Variants in GRID2 observed in about 807,000 individuals in gnomAD.
The protein encoded by GRID2 is glutamate ionotropic receptor delta type subunit 2, also known as glutamate receptor ionotropic, delta-2.
GRID2 carries 33 observed loss-of-function variants against 114.8 expected under a neutral mutation model. The ratio of observed to expected loss-of-function variants is 0.29; its 90% CI spans 0.22 to 0.38. The LOEUF is 0.38. Ranked by LOEUF, GRID2 falls within the 10% of genes least tolerant of loss-of-function variation. The pLI, the probability that GRID2 is intolerant of heterozygous loss-of-function variation, is 1.00. For missense variants in GRID2, 1,184 were observed against 1,257.7 expected (o/e 0.94, Z 0.89); for synonymous variants, 505 against 449.9 (o/e 1.12, Z -1.55).
At chr4:93,347,922 T>C (rs1240987713) in intron 8 of GRID2, among the ~76,000 whole-genome samples, 3 of 152,112 alleles carry the variant, frequency 2.0e-5, no homozygotes, top group Non-Finnish European at 4.4e-5. Context: ...TTGGAGAAAT[T>C]TTCTAATATC....
chr4:93,212,119 TA>T (rs991899775), intron 5 of GRID2, among the ~76,000 whole-genome samples: 2 of 151,846 alleles, frequency 1.3e-5, no homozygotes, highest in Admixed American at 6.6e-5. Flanking sequence ...AATGTAATAA[TA>T]AAAAAAACCC....
chr4:92,316,022 G>C (rs1369644956), intron 1 of GRID2, among the ~76,000 whole-genome samples: 1 of 115,922 alleles, frequency 8.6e-6, no homozygotes, highest in Non-Finnish European at 1.8e-5. Flanking sequence ...AAAGAAAAGA[G>C]AACCCGTTCT....
intron 1 of GRID2, among the ~76,000 whole-genome samples, chr4:92,318,080 A>G (rs902205202): frequency 2.0e-5 from 3 of 152,012 alleles, no homozygotes; most frequent in Non-Finnish European, 2.9e-5. Context: ...TTGATGGTAT[A>G]TTATAGACCA....
In GRID2 at chr4:93,557,366, A is replaced by T. The variant is rs1057155654; in HGVS notation, c.2193+41955A>T. The stretch of plus-strand genomic sequence containing the variant: ...ACCCGTCTCCCATGCAGACACACAT[A>T]GGCTCAAAATAAAGGGATGGAGGAA... On this transcript the variant is annotated intron_variant, in intron 13 of 15. Coordinates refer to ENST00000282020, the MANE Select transcript of GRID2 (RefSeq NM_001510.4). 4.6e-5 allele frequency among the ~76,000 whole-genome samples: 7 copies of T among 152,348 alleles called. No individual in the cohort carries two copies. The South Asian group carries it at 1.5e-3, about 32-fold the overall frequency.
chr4:92,634,071 G>C (rs987585176), intron 2 of GRID2, among the ~76,000 whole-genome samples: 8 of 150,006 alleles, frequency 5.3e-5, no homozygotes, highest in Non-Finnish European at 3.0e-5. Context: ...AATTGTCTTG[G>C]GCCACATATA....
chr4:92,904,773 G>T (rs1747829585), intron 2 of GRID2, among the ~76,000 whole-genome samples: 2 of 152,050 alleles, frequency 1.3e-5, no homozygotes, highest in East Asian at 1.9e-4. Flanking sequence ...ACCAAAGAAA[G>T]AATACATTTA....
intron 14 of GRID2, among the ~76,000 whole-genome samples, chr4:93,669,387 T>A (rs540211727): frequency 5.3e-5 from 8 of 152,210 alleles, no homozygotes; most frequent in Admixed American, 5.2e-4. Flanking sequence ...ATTCTTAGCA[T>A]AATGCACAGT....
At chr4:93,256,658 A>T (rs746693700) in intron 8 of GRID2, among the ~76,000 whole-genome samples, 19 of 151,968 alleles carry the variant, frequency 1.3e-4, no homozygotes, top group South Asian at 6.2e-4. Context: ...ATAGAAATAG[A>T]GATAATATAA....
At chr4:93,649,940 T>C (rs903419935) in intron 14 of GRID2, among the ~76,000 whole-genome samples, 50 of 152,076 alleles carry the variant, frequency 3.3e-4, no homozygotes, top group African/African-American at 1.2e-3. Context: ...ACAGAATAAA[T>C]AAAAAGAATC....
chr4:92,709,670 G>T (rs1034865905), intron 2 of GRID2, among the ~76,000 whole-genome samples: 5 of 149,852 alleles, frequency 3.3e-5, no homozygotes, highest in Non-Finnish European at 3.0e-5. Context: ...CAAAATATAA[G>T]AGTTAAATTT....
intron 2 of GRID2, among the ~76,000 whole-genome samples, chr4:92,863,522 C>T (rs894141883): frequency 6.6e-6 from 1 of 152,110 alleles, no homozygotes; most frequent in African/African-American, 2.4e-5. Flanking sequence ...GCAGCCTGCT[C>T]ATCTACTCTT....
intron 14 of GRID2, among the ~76,000 whole-genome samples, chr4:93,646,358 C>G (rs952385338): frequency 6.6e-6 from 1 of 151,952 alleles, no homozygotes; most frequent in Non-Finnish European, 1.5e-5. Flanking sequence ...TAAGAAGCAA[C>G]AGATATAAAA....
At chr4:92,506,786 A>G (rs1723994959) in intron 1 of GRID2, among the ~76,000 whole-genome samples, 1 of 151,966 alleles carries the variant, frequency 6.6e-6, no homozygotes, top group African/African-American at 2.4e-5. Flanking sequence ...CCTTTGAGAC[A>G]ATAGGTTGAT....
intron 2 of GRID2, among the ~76,000 whole-genome samples, chr4:92,805,004 C>T (rs1740343146): frequency 6.6e-6 from 1 of 151,912 alleles, no homozygotes; most frequent in Admixed American, 6.6e-5. Context: ...AATATTTCTT[C>T]TGATTTTTAT....
chr4:92,747,058 A>G (rs1331653821), intron 2 of GRID2, among the ~76,000 whole-genome samples: 4 of 152,100 alleles, frequency 2.6e-5, no homozygotes, highest in African/African-American at 9.7e-5. Context: ...AGTTTATCAT[A>G]TAGGAGTTGG....
chr4:93,169,243 A>AC (rs141577803), intron 4 of GRID2, among the ~76,000 whole-genome samples: 358 of 152,158 alleles, frequency 2.4e-3, no homozygotes, highest in Admixed American at 4.0e-3. Context: ...ATTTTTGAGC[A>AC]CACAAACCAG....
At chr4:92,747,847 G>T (rs950859104) in intron 2 of GRID2, among the ~76,000 whole-genome samples, 3 of 152,116 alleles carry the variant, frequency 2.0e-5, no homozygotes, top group South Asian at 4.1e-4. Flanking sequence ...CTTAACTGTT[G>T]TAATTTCCCT....
At chr4:92,663,665 T>C (rs1732629110) in intron 2 of GRID2, among the ~76,000 whole-genome samples, 1 of 151,208 alleles carries the variant, frequency 6.6e-6, no homozygotes, top group Non-Finnish European at 1.5e-5. Context: ...ATTTGCCATC[T>C]TATCTATTTT....
Position 92,815,958 on chromosome 4 carries a change from GCCAAAAAAAAACCAA to G in GRID2, c.244+225684_244+225698del, listed in dbSNP as rs1290304389. 2.3e-4 allele frequency among the ~76,000 whole-genome samples: 18 copies of G among 77,252 alleles called. 1 individual carries two copies. The South Asian group carries it at 3.5e-3, about 15-fold the overall frequency. 50.7% of individuals were successfully genotyped at this position (77,252 alleles called of 152,430 possible). A position where few individuals can be genotyped will look rare whatever the true frequency, so the allele number is the denominator to read the frequency against. ...AAAAAAGGAAAGAAAAAAACAAAAA[GCCAAAAAAAAACCAA>G]CCAAAAAAAAAACCCCTCACAAACA... On this transcript the variant is annotated intron_variant, in intron 2 of 15. Transcript: ENST00000282020.
Sources: gnomAD v4.1 joint callset for allele counts (sites outside exome capture counted in the v4.1 genomes callset) on GRCh38, gnomAD v4.1.1 for gene constraint, MANE v1.5 for transcripts, NCBI Gene and HGNC (gene_info 2026-07-23, HGNC 2026-07-21) for gene names.